Variants in WDR64 observed in about 807,000 individuals in gnomAD.
The protein encoded by WDR64 is WD repeat-containing protein 64.
A neutral mutation model predicts 139.3 loss-of-function variants in WDR64; 112 were observed. The observed-to-expected ratio is 0.80, with a 90% CI of 0.69 to 0.94. The LOEUF is 0.94. WDR64 is among the 40% of genes least tolerant of loss of function. WDR64 has a pLI of 0.00. For missense variants in WDR64, 1,206 were observed against 1,293.1 expected (o/e 0.93, Z 1.03); for synonymous variants, 444 against 437.7 (o/e 1.01, Z -0.18).
intron 15 of WDR64, among the ~76,000 whole-genome samples, chr1:241,757,890 T>C (rs538975801): frequency 6.6e-6 from 1 of 152,224 alleles, no homozygotes; most frequent in Admixed American, 6.5e-5. Context: ...AATACCATTA[T>C]TTTCTAAAAT....
In WDR64 at chr1:241,741,509, G is replaced by A. The variant is rs756705169; in HGVS notation, c.1322-7G>A. 7.5e-6 allele frequency: 12 copies of A among 1,589,862 alleles called. No individual in the cohort carries two copies. In the East Asian group the frequency reaches 1.6e-4, roughly 21 times the overall value. On this transcript the variant is annotated splice_polypyrimidine_tract_variant and splice_region_variant and intron_variant, in intron 11 of 27. Coordinates refer to ENST00000437684, the MANE Select transcript of WDR64 (RefSeq NM_001367482.1). Reference sequence around the variant, plus strand: ...GCATATTTATGAGATTCTTACTTCTGTTCCAGGATCTAGTGTTATGGACAT... The same window carrying A: ...GCATATTTATGAGATTCTTACTTCTATTCCAGGATCTAGTGTTATGGACAT...
At chr1:241,657,079 CTCTAGGGTGCCTGTAT>C (rs1267965470) in intron 1 of WDR64, among the ~76,000 whole-genome samples, 1 of 152,048 alleles carries the variant, frequency 6.6e-6, no homozygotes, top group Non-Finnish European at 1.5e-5. Flanking sequence ...CCACTACTAT[CTCTAGGGTGCCTGTAT>C]TCTAGGGTGC....
At chr1:241,695,242 A>T (rs1192600152) in intron 8 of WDR64, among the ~76,000 whole-genome samples, 2 of 152,230 alleles carry the variant, frequency 1.3e-5, no homozygotes, top group African/African-American at 4.8e-5. Context: ...ATTACAATTT[A>T]CCATTGTCTG....
At chr1:241,696,785 C>A (rs932917931) in intron 8 of WDR64, among the ~76,000 whole-genome samples, 2 of 152,152 alleles carry the variant, frequency 1.3e-5, no homozygotes, top group African/African-American at 4.8e-5. Flanking sequence ...GGCTTCTTTA[C>A]TGCAACCTGT....
At position 241,802,650 on chromosome 1, in the gene WDR64, A is replaced by G. The variant is rs1659557312; in HGVS notation, c.*1435A>G. On this transcript the variant is annotated 3_prime_UTR_variant, in exon 28 of 28. Coordinates refer to ENST00000437684, the MANE Select transcript of WDR64 (RefSeq NM_001367482.1). ...TTACTTTGAAATGAATCAAAAAAAT[A>G]AGATGAACTAATGGATAGAGGGATG... Among the ~76,000 whole-genome samples the G allele has an allele frequency of 6.6e-6, 1 of 152,228 alleles. No individual in the cohort carries two copies. The highest frequency in any genetic ancestry group is 6.5e-5 in the Admixed American group (1 of 15,290).
At chr1:241,713,815 T>A (rs368043531) in intron 9 of WDR64, among the ~76,000 whole-genome samples, 11 of 152,278 alleles carry the variant, frequency 7.2e-5, no homozygotes, top group South Asian at 6.2e-4. Context: ...AGACTCGACC[T>A]CAAAGACATG....
At chr1:241,738,256 G>GT (rs1199738170) in intron 10 of WDR64, 107 bp from the exon 11 acceptor site, 1 of 1,326,910 alleles carries the variant, frequency 7.5e-7, no homozygotes, top group Non-Finnish European at 1.0e-6. Flanking sequence ...TAATACTTTG[G>GT]TATAAGTTTA....
At chr1:241,748,674 T>C (rs913656649) in intron 13 of WDR64, among the ~76,000 whole-genome samples, 2 of 152,054 alleles carry the variant, frequency 1.3e-5, no homozygotes, top group Non-Finnish European at 2.9e-5. Context: ...GCACGGTGGC[T>C]CCTGCCTGTA....
chr1:241,683,837 C>A, intron 7 of WDR64, 136 bp downstream of exon 7: 10 of 639,534 alleles, frequency 1.6e-5, no homozygotes, highest in East Asian at 3.2e-5. Flanking sequence ...GTAATATAAA[C>A]AATTAATTAT....
chr1:241,733,012 A>G (rs928285166), intron 10 of WDR64, among the ~76,000 whole-genome samples: 1 of 152,160 alleles, frequency 6.6e-6, no homozygotes, highest in African/African-American at 2.4e-5. Flanking sequence ...TTATTTATTA[A>G]TTCTTACAAA....
chr1:241,745,380 A>C (rs1297271789), intron 13 of WDR64, among the ~76,000 whole-genome samples: 1 of 151,932 alleles, frequency 6.6e-6, no homozygotes, highest in Non-Finnish European at 1.5e-5. Flanking sequence ...TTCTTGAGAA[A>C]GCAGTCTTAA....
At chr1:241,664,766 T>C (rs774639862) in intron 2 of WDR64, among the ~76,000 whole-genome samples, 2 of 152,144 alleles carry the variant, frequency 1.3e-5, no homozygotes, top group Non-Finnish European at 2.9e-5. Flanking sequence ...ATGTAGATTA[T>C]GGAGGATACA....
chr1:241,741,630 A>C lies in WDR64; in HGVS notation c.1436A>C (p.Gln479Pro), dbSNP rs752569795. 4 of 1,612,722 alleles carry C rather than the reference A, an allele frequency of 2.5e-6. No individual in the cohort carries two copies. The South Asian group carries it at 4.4e-5, about 18-fold the overall frequency. Reference protein sequence around the residue: ...NVMLYNKYFHQVLTICSESII... With the variant: ...NVMLYNKYFHPVLTICSESII... The stretch of plus-strand genomic sequence containing the variant: ...ATGCTTTACAACAAATATTTTCATC[A>C]AGTACTCACTATCTGCTCTGAATCC... Residue 479 changes from glutamine (Q) to proline (P), a missense_variant, in exon 12 of 28, where the codon CAA becomes CCA. Coordinates refer to ENST00000437684, the MANE Select transcript of WDR64 (RefSeq NM_001367482.1).
chr1:241,679,455 A>T (rs1205809099), intron 5 of WDR64, 30 bp from the exon 6 acceptor site: 2 of 1,533,404 alleles, frequency 1.3e-6, no homozygotes, highest in Non-Finnish European at 1.8e-6. Context: ...GAAATGCATT[A>T]TATCCCCCAA....
Position 241,734,407 on chromosome 1 carries a change from T to C in WDR64, c.1195-3956T>C, listed in dbSNP as rs1669213513. Among the ~76,000 whole-genome samples, 3 of 152,318 alleles carry C rather than the reference T, an allele frequency of 2.0e-5. No homozygotes were observed. The South Asian group carries it at 6.2e-4, about 32-fold the overall frequency. On this transcript the variant is annotated intron_variant, in intron 10 of 27. Transcript: ENST00000437684. ...ACTTTCTGAATTAACCTCTCTCAGA[T>C]ATTTGGGCTTCACAAATATCACTAC...
intron 15 of WDR64, among the ~76,000 whole-genome samples, chr1:241,763,579 C>G (rs554154999): frequency 2.6e-4 from 39 of 152,130 alleles, no homozygotes; most frequent in Non-Finnish European, 5.1e-4. Context: ...GTGGCGTACG[C>G]CTGTAATCCT....
In WDR64 at chr1:241,652,410, C is replaced by T; in HGVS notation, c.-75C>T. The stretch of plus-strand genomic sequence containing the variant: ...CTGAGACAGCAGGGAGGCACTGTAA[C>T]AACTGGAAAGTTTTCCAAATTGGTA... On this transcript the variant is annotated 5_prime_UTR_variant, in exon 1 of 28. Coordinates refer to ENST00000437684, the MANE Select transcript of WDR64 (RefSeq NM_001367482.1). 1 of 1,468,248 alleles carries T rather than the reference C, an allele frequency of 6.8e-7. No homozygotes were observed. The highest frequency in any genetic ancestry group is 1.3e-5 in the South Asian group (1 of 74,614). The allele number at this position is 1,468,248 out of a possible 1,614,324, so 91.0% of individuals were successfully genotyped here. A position where few individuals can be genotyped will look rare whatever the true frequency, so the allele number is the denominator to read the frequency against.
At chr1:241,783,163 T>G (rs1380535289) in intron 22 of WDR64, 109 bp from the exon 23 acceptor site, 5 of 914,156 alleles carry the variant, frequency 5.5e-6, no homozygotes, top group Admixed American at 2.2e-5. Context: ...CACAGATGTC[T>G]ACATCTTCCA....
chr1:241,713,419 GAA>G (rs1668266963), intron 9 of WDR64, among the ~76,000 whole-genome samples: 1 of 142,628 alleles, frequency 7.0e-6, no homozygotes, highest in Non-Finnish European at 1.5e-5. Context: ...GGAAGGGAAG[GAA>G]GGGAAGGAAG....
Sources: gnomAD v4.1 joint callset for allele counts (sites outside exome capture counted in the v4.1 genomes callset) on GRCh38, gnomAD v4.1.1 for gene constraint, MANE v1.5 for transcripts, NCBI Gene and HGNC (gene_info 2026-07-23, HGNC 2026-07-21) for gene names.